Variants in EML1 observed in about 807,000 individuals in gnomAD.
The protein encoded by EML1 is EMAP like 1.
A neutral mutation model predicts 110.4 loss-of-function variants in EML1; 27 were observed. The ratio of observed to expected loss-of-function variants is 0.24; its 90% CI spans 0.18 to 0.34. The LOEUF (loss-of-function observed/expected upper bound fraction) is 0.34. Ranked by LOEUF, EML1 falls within the 10% of genes least tolerant of loss-of-function variation. The probability of loss-of-function intolerance (pLI) is 1.00; values close to 1 mark genes in which losing one functional copy is unlikely to be tolerated. For synonymous variants in EML1, 344 were observed against 385.8 expected (o/e 0.89, Z 1.27); for missense variants, 741 against 1,030.9 (o/e 0.72, Z 3.85).
chr14:99,935,725 G>A (rs1281541380), intron 17 of EML1, among the ~76,000 whole-genome samples: 4 of 146,806 alleles, frequency 2.7e-5, no homozygotes, highest in Admixed American at 1.4e-4. Context: ...AGAGCTTGCC[G>A]TGAGTCGAGA....
At chr14:99,754,357 C>G (rs1158590694) in intron 1 of EML1, among the ~76,000 whole-genome samples, 1 of 152,212 alleles carries the variant, frequency 6.6e-6, no homozygotes, top group Non-Finnish European at 1.5e-5. Flanking sequence ...CCTCCCCTGC[C>G]CCCTGCCTCC....
At chr14:99,874,962 T>G in intron 3 of EML1, 1 of 1,613,782 alleles carries the variant, frequency 6.2e-7, no homozygotes, top group South Asian at 1.1e-5. Flanking sequence ...TCTCAATGCT[T>G]GCAAACTGAA....
chr14:99,928,782 C>T (rs1360039730), intron 17 of EML1, among the ~76,000 whole-genome samples: 2 of 152,088 alleles, frequency 1.3e-5, no homozygotes, highest in Non-Finnish European at 2.9e-5. Context: ...GATGTTTTTT[C>T]GTTGTCTCTG....
intron 2 of EML1, among the ~76,000 whole-genome samples, chr14:99,863,591 A>G (rs1334223065): frequency 6.6e-6 from 1 of 152,190 alleles, no homozygotes; most frequent in East Asian, 1.9e-4. Flanking sequence ...TGTCATATAA[A>G]TGCAATCATA....
At chr14:99,815,345 G>A (rs1595331246) in intron 1 of EML1, among the ~76,000 whole-genome samples, 1 of 151,920 alleles carries the variant, frequency 6.6e-6, no homozygotes, top group Non-Finnish European at 1.5e-5. Flanking sequence ...GTTTCACTGT[G>A]TTAGCCAGGA....
intron 2 of EML1, among the ~76,000 whole-genome samples, chr14:99,854,246 T>C (rs539857772): frequency 6.6e-6 from 1 of 152,382 alleles, no homozygotes; most frequent in African/African-American, 2.4e-5. Context: ...TGTGGAGCCA[T>C]AGATAATCAT....
At chr14:99,770,371 A>T (rs922124342), upstream of EML1, among the ~76,000 whole-genome samples, 3 of 87,636 alleles carry the variant, frequency 3.4e-5, no homozygotes, top group Admixed American at 2.0e-4. Flanking sequence ...TTTTTAAAAA[A>T]TTTCTTTCTA....
At chr14:99,920,247 A>G (rs11160559) in intron 16 of EML1, among the ~76,000 whole-genome samples, 99,361 of 152,014 alleles carry the variant, frequency 0.65, 32,463 homozygotes, top group African/African-American at 0.68. Flanking sequence ...CCTCCACTCC[A>G]ATTTCTCCCA....
chr14:99,770,377 T>TTCCATCTATCTATCTA (rs2057411494), upstream of EML1, among the ~76,000 whole-genome samples: 1 of 150,186 alleles, frequency 6.7e-6, no homozygotes, highest in African/African-American at 2.5e-5. Flanking sequence ...AAAAATTTCT[T>TTCCATCTATCTATCTA]TCTATCTATC....
At chr14:99,778,591 A>G (rs1055609935) in intron 1 of EML1, among the ~76,000 whole-genome samples, 3 of 152,132 alleles carry the variant, frequency 2.0e-5, no homozygotes, top group African/African-American at 7.2e-5. Context: ...TCTGAATCCC[A>G]TGTAATCTTT....
intron 1 of EML1, among the ~76,000 whole-genome samples, chr14:99,785,298 A>G (rs1160082474): frequency 6.6e-6 from 1 of 152,156 alleles, no homozygotes; most frequent in Non-Finnish European, 1.5e-5. Context: ...CAGGTGATCC[A>G]CCTGCCTTGG....
chr14:99,918,072 AG>A (rs1472584968), intron 16 of EML1, among the ~76,000 whole-genome samples: 1 of 152,154 alleles, frequency 6.6e-6, no homozygotes, highest in Non-Finnish European at 1.5e-5. Context: ...CTCCTGGAAA[AG>A]GACCCTCTAC....
intron 1 of EML1, among the ~76,000 whole-genome samples, chr14:99,833,262 G>A (rs892307098): frequency 6.6e-6 from 1 of 152,210 alleles, no homozygotes; most frequent in African/African-American, 2.4e-5. Context: ...TTGTTGAAAA[G>A]ACTGTCTTTT....
chr14:99,789,542 C>CT (rs2057637900), upstream of EML1, among the ~76,000 whole-genome samples: 1 of 152,190 alleles, frequency 6.6e-6, no homozygotes, highest in South Asian at 2.1e-4. Context: ...AATGATGACT[C>CT]TTTAATTGAC....
intron 1 of EML1, chr14:99,809,754 T>C (rs2058043547): frequency 4.4e-6 from 2 of 455,862 alleles, no homozygotes; most frequent in Admixed American, 4.7e-5. Context: ...CTCCTCTGAA[T>C]TGAAACATGT....
At chr14:99,935,028 A>G (rs190557980) in intron 17 of EML1, among the ~76,000 whole-genome samples, 11 of 152,326 alleles carry the variant, frequency 7.2e-5, no homozygotes, top group Middle Eastern at 3.4e-3. Flanking sequence ...GAGAGCAGTG[A>G]GTGCAGAGGC....
chr14:99,842,900 G>A (rs746238552), intron 1 of EML1, among the ~76,000 whole-genome samples: 8 of 152,158 alleles, frequency 5.3e-5, no homozygotes, highest in Non-Finnish European at 8.8e-5. Context: ...AGCAGTGAGC[G>A]TGTGTGCCTT....
At chr14:99,921,986 T>G (rs2060138859) in intron 17 of EML1, among the ~76,000 whole-genome samples, 1 of 152,180 alleles carries the variant, frequency 6.6e-6, no homozygotes, top group Non-Finnish European at 1.5e-5. Context: ...ATCGTGTAAA[T>G]GGATTCCTAC....
chr14:99,921,928 A>T (rs1000837005), intron 17 of EML1, among the ~76,000 whole-genome samples: 22 of 152,308 alleles, frequency 1.4e-4, no homozygotes, highest in African/African-American at 5.3e-4. Context: ...CAGTCCGAGG[A>T]AACTACTGAT....
Sources: gnomAD v4.1 joint callset for allele counts (sites outside exome capture counted in the v4.1 genomes callset) on GRCh38, gnomAD v4.1.1 for gene constraint, MANE v1.5 for transcripts, NCBI Gene and HGNC (gene_info 2026-07-23, HGNC 2026-07-21) for gene names.